NLRP5: variants seen among roughly 807,000 people sequenced by gnomAD.
NLRP5 encodes NACHT, LRR and PYD domains-containing protein 5.
Under a neutral mutation model 113.1 loss-of-function variants are expected in NLRP5, and 93 were observed. The ratio of observed to expected loss-of-function variants is 0.82; its 90% CI spans 0.70 to 0.98. The LOEUF is 0.98. NLRP5 is among the 50% of genes least tolerant of loss of function. NLRP5 has a pLI of 0.00. For synonymous variants in NLRP5, 751 were observed against 600.7 expected (o/e 1.25, Z -3.66); for missense variants, 1,808 against 1,514.3 (o/e 1.19, Z -3.22).
chr19:55,987,400 C>G, the NLRP5 span, among the ~76,000 whole-genome samples: 1 of 152,200 alleles, frequency 6.6e-6, no homozygotes, highest in Non-Finnish European at 1.5e-5. Flanking sequence ...GTAGGGGGTA[C>G]TGCAACTTGA....
chr19:56,003,030 T>C (rs929131621), intron 1 of NLRP5, among the ~76,000 whole-genome samples: 8 of 150,292 alleles, frequency 5.3e-5, no homozygotes, highest in African/African-American at 2.0e-4. Context: ...AGTTCAGCCA[T>C]TGTGGAAGTC....
intron 2 of NLRP5, among the ~76,000 whole-genome samples, chr19:56,008,496 C>A (rs906627689): frequency 6.6e-5 from 10 of 152,156 alleles, no homozygotes; most frequent in Non-Finnish European, 1.3e-4. Context: ...GAGGAGGACT[C>A]CTGAAAAGAA....
the NLRP5 span, among the ~76,000 whole-genome samples, chr19:55,990,079 C>CTTTTTTTTTTTTTTT: frequency 3.5e-4 from 34 of 95,950 alleles, no homozygotes; most frequent in South Asian, 7.0e-4. Context: ...TTTCTTTTTT[C>CTTTTTTTTTTTTTTT]TTTTTTTTTT....
intron 11 of NLRP5, among the ~76,000 whole-genome samples, chr19:56,042,508 C>T (rs170061): frequency 0.58 from 87,640 of 151,474 alleles, 25,795 homozygotes; most frequent in African/African-American, 0.64. Context: ...ACCACCACAC[C>T]TGGCTACTTT....
intron 7 of NLRP5, among the ~76,000 whole-genome samples, chr19:56,031,274 C>T (rs1231702365): frequency 6.6e-6 from 1 of 152,130 alleles, no homozygotes; most frequent in African/African-American, 2.4e-5. Context: ...TCCATCTCCC[C>T]TGCTCCCCAG....
intron 14 of NLRP5, among the ~76,000 whole-genome samples, chr19:56,061,010 A>G (rs1225865837): frequency 6.9e-6 from 1 of 144,900 alleles, no homozygotes; most frequent in African/African-American, 2.5e-5. Flanking sequence ...GTCACTGGGC[A>G]TGCATAATTA....
At chr19:56,011,878 G>A (rs571542729) in intron 3 of NLRP5, among the ~76,000 whole-genome samples, 51 of 151,814 alleles carry the variant, frequency 3.4e-4, no homozygotes, top group South Asian at 1.3e-3. Flanking sequence ...ATTTGGTAAA[G>A]ATGGAGTTTC....
At chr19:56,013,629 C>G (rs306431) in intron 3 of NLRP5, among the ~76,000 whole-genome samples, 1 of 73,930 alleles carries the variant, frequency 1.4e-5, no homozygotes, top group East Asian at 5.9e-4. Context: ...CTATTATGAA[C>G]GATGCAGCTA....
chr19:56,050,333 C>A, intron 11 of NLRP5, 85 bp from the exon 12 acceptor site: 2 of 1,304,520 alleles, frequency 1.5e-6, no homozygotes, highest in Non-Finnish European at 1.1e-6. Context: ...AAGCAGACTG[C>A]AGCTGGGAGG....
chr19:56,014,068 T>C (rs1171943837), intron 3 of NLRP5, among the ~76,000 whole-genome samples: 1 of 152,192 alleles, frequency 6.6e-6, no homozygotes, highest in Non-Finnish European at 1.5e-5. Flanking sequence ...TATTCCCCTG[T>C]TCTCTGAGTT....
At chr19:56,025,385 G>A (rs1047181520) in intron 6 of NLRP5, among the ~76,000 whole-genome samples, 4 of 129,372 alleles carry the variant, frequency 3.1e-5, no homozygotes, top group South Asian at 2.8e-4. Context: ...AACGTGCTCC[G>A]TTCTCTCTCT....
chr19:56,030,159 C>A (rs973900958), intron 7 of NLRP5, among the ~76,000 whole-genome samples: 1 of 151,906 alleles, frequency 6.6e-6, no homozygotes, highest in Admixed American at 6.6e-5. Flanking sequence ...CACACTAGGT[C>A]AGGAGTTCGA....
intron 1 of NLRP5, among the ~76,000 whole-genome samples, chr19:56,001,869 C>T (rs375488253): frequency 3.3e-5 from 5 of 152,234 alleles, no homozygotes; most frequent in African/African-American, 1.2e-4. Context: ...GGTATTCCTT[C>T]GATTGCTTTG....
chr19:55,998,728 A>C (rs868474020), upstream of NLRP5, among the ~76,000 whole-genome samples: 1 of 130,344 alleles, frequency 7.7e-6, no homozygotes, highest in Non-Finnish European at 1.6e-5. Flanking sequence ...ATATATATAT[A>C]TGTGTATATA....
At chr19:56,044,902 T>C (rs575367187) in intron 11 of NLRP5, among the ~76,000 whole-genome samples, 30 of 152,348 alleles carry the variant, frequency 2.0e-4, no homozygotes, top group Non-Finnish European at 4.0e-4. Context: ...TTTGTAGTTT[T>C]CCTTGTAGAG....
intron 7 of NLRP5, among the ~76,000 whole-genome samples, chr19:56,028,809 G>T (rs1393703775): frequency 6.6e-6 from 1 of 152,134 alleles, no homozygotes; most frequent in East Asian, 1.9e-4. Flanking sequence ...TCTGTTGCCA[G>T]GCTGGAGTGT....
chr19:56,018,454 C>G (rs551573208), intron 4 of NLRP5, among the ~76,000 whole-genome samples: 1 of 152,314 alleles, frequency 6.6e-6, no homozygotes, highest in South Asian at 2.1e-4. Context: ...ATCATCTCCA[C>G]AGCAACTCGA....
At chr19:56,044,096 C>T (rs1395636236) in intron 11 of NLRP5, among the ~76,000 whole-genome samples, 6 of 131,220 alleles carry the variant, frequency 4.6e-5, no homozygotes, top group African/African-American at 1.3e-4. Flanking sequence ...CAGAGTCTTG[C>T]TCTGTCACCC....
In NLRP5 at chr19:56,058,371, C is replaced by T. The variant is rs201161816; in HGVS notation, c.3431C>T (p.Ser1144Leu). ...CCCAAAGGAATGATGAAGCTGTGTT[C>T]GGCCTTTGCCTGTCCCACGTCTAAC... The change falls in exon 14 of 15, where the codon TCG (serine) becomes TTG (leucine). Residue 1144 changes from serine to leucine, a missense_variant. Coordinates refer to ENST00000390649, the MANE Select transcript of NLRP5 (RefSeq NM_153447.4). The T allele has an allele frequency of 2.2e-4, 361 of 1,613,840 alleles. 3 individuals carry two copies. The highest frequency in any genetic ancestry group is 6.7e-5 in the Admixed American group (4 of 59,988).
Sources: gnomAD v4.1 joint callset for allele counts (sites outside exome capture counted in the v4.1 genomes callset) on GRCh38, gnomAD v4.1.1 for gene constraint, MANE v1.5 for transcripts, NCBI Gene and HGNC (gene_info 2026-07-23, HGNC 2026-07-21) for gene names.